CDC5L: variants seen among roughly 807,000 people sequenced by gnomAD.
The protein encoded by CDC5L is cell division cycle 5 like.
Under a neutral mutation model 104.1 loss-of-function variants are expected in CDC5L, and 18 were observed. The observed-to-expected ratio is 0.17, with a 90% CI of 0.12 to 0.26. CDC5L has a LOEUF of 0.26. CDC5L is among the 10% of genes least tolerant of loss of function. The pLI is 1.00. For synonymous variants in CDC5L, 331 were observed against 322.7 expected (o/e 1.03, Z -0.28); for missense variants, 673 against 956.9 (o/e 0.70, Z 3.91).
chr6:44,408,832 T>G (rs1034891483), intron 8 of CDC5L, among the ~76,000 whole-genome samples, 200 bp downstream of exon 8: 3 of 152,220 alleles, frequency 2.0e-5, no homozygotes, highest in Admixed American at 6.5e-5. Context: ...ATTTTCACAT[T>G]TATTAAAATT....
rs140562156 is a variant in CDC5L at position 44,438,408 on chromosome 6, A to C, written c.2092-7247A>C. On this transcript the variant is annotated intron_variant, in intron 14 of 15. Transcript: ENST00000371477. ...TGGCTGAAACAGAGTTTGACATCCT[A>C]ATTGCCTGTTAGAATCATTTGGGAG... 7.3e-3 allele frequency among the ~76,000 whole-genome samples: 1,106 copies of C among 152,334 alleles called. 12 individuals carry two copies. Among genetic ancestry groups the C allele is most frequent in the African/African-American group, 0.025 (1,041 of 41,568 alleles).
intron 8 of CDC5L, 50 bp downstream of exon 8, chr6:44,408,682 A>G: frequency 7.3e-7 from 1 of 1,376,294 alleles, no homozygotes. Context: ...TATTGTCCTT[A>G]GAAGTATCAT....
chr6:44,413,025 G>C (rs931675484), intron 8 of CDC5L, among the ~76,000 whole-genome samples: 2 of 151,664 alleles, frequency 1.3e-5, no homozygotes, highest in Admixed American at 6.6e-5. Flanking sequence ...CTCGTGATCC[G>C]CCCGCCTCGG....
chr6:44,422,878 T>A (rs896970734), intron 10 of CDC5L, 69 bp downstream of exon 10: 47 of 1,088,670 alleles, frequency 4.3e-5, no homozygotes, highest in Non-Finnish European at 5.6e-5. Context: ...AAATTAAAAT[T>A]TCTCCTGTTA....
chr6:44,428,296 G>T (rs1581657331), intron 13 of CDC5L, among the ~76,000 whole-genome samples: 1 of 151,962 alleles, frequency 6.6e-6, no homozygotes, highest in African/African-American at 2.4e-5. Context: ...CTATAGAGAT[G>T]ATTTTCCGTT....
intron 5 of CDC5L, 99 bp downstream of exon 5, chr6:44,396,539 T>TC (rs1561967880): frequency 4.3e-5 from 29 of 679,426 alleles, no homozygotes; most frequent in South Asian, 9.4e-5. Context: ...TTTTTTTTTT[T>TC]CCCCTCTCCA....
At chr6:44,407,979 CA>C (rs1340248425) in intron 7 of CDC5L, among the ~76,000 whole-genome samples, 2 of 152,134 alleles carry the variant, frequency 1.3e-5, no homozygotes, top group Non-Finnish European at 2.9e-5. Flanking sequence ...CTTCCTCCTC[CA>C]ATTTTGTATA....
intron 14 of CDC5L, among the ~76,000 whole-genome samples, chr6:44,437,306 T>G (rs1009061374): frequency 6.6e-6 from 1 of 152,190 alleles, no homozygotes; most frequent in Admixed American, 6.5e-5. Flanking sequence ...TGAGCAGTCA[T>G]AGGTTGAGCA....
chr6:44,428,322 TTTTG>T (rs1419444846), intron 13 of CDC5L, among the ~76,000 whole-genome samples: 1 of 152,314 alleles, frequency 6.6e-6, no homozygotes, highest in East Asian at 1.9e-4. Context: ...TGTTAAAATT[TTTTG>T]TTTATCAATC....
Position 44,390,193 on chromosome 6 carries a change from C to A in CDC5L, c.46-75C>A. The A allele has an allele frequency of 1.8e-5, 15 of 852,752 alleles. No individual in the cohort carries two copies. The South Asian group carries it at 1.9e-4, about 11-fold the overall frequency. The allele number at this position is 852,752 out of a possible 1,614,324, so 52.8% of individuals were successfully genotyped here. Reference sequence around the variant, plus strand: ...ATGTCTCTTTCTCCAATAGCCCTATCAGAGTTAATTTAAATTTTGTCTTTT... The same window carrying A: ...ATGTCTCTTTCTCCAATAGCCCTATAAGAGTTAATTTAAATTTTGTCTTTT... On this transcript the variant is annotated intron_variant, in intron 1 of 15. Coordinates refer to ENST00000371477, the MANE Select transcript of CDC5L (RefSeq NM_001253.4).
At chr6:44,442,468 CTGTT>C (rs1428977090) in intron 14 of CDC5L, among the ~76,000 whole-genome samples, 1 of 151,226 alleles carries the variant, frequency 6.6e-6, no homozygotes, top group Non-Finnish European at 1.5e-5. Flanking sequence ...TCTTGTCTGT[CTGTT>C]ACAGACTTTT....
At chr6:44,441,932 C>T (rs369866900) in intron 14 of CDC5L, among the ~76,000 whole-genome samples, 1,221 of 92,758 alleles carry the variant, frequency 0.013, 11 homozygotes, top group South Asian at 0.033. Flanking sequence ...AGGTCTTGTT[C>T]TTTTTTTTTT....
rs2153384889 is a variant in CDC5L, at chr6:44,447,211, A to G, written c.*500A>G. The G allele has an allele frequency of 6.6e-6, 1 of 152,334 alleles. No homozygotes were observed. The highest frequency in any genetic ancestry group is 2.1e-4 in the South Asian group (1 of 4,828). The allele number at this position is 152,334 out of a possible 1,614,324, so 9.4% of individuals were successfully genotyped here. ...TTTGTGGCTTTGTTAGTTTCAGCAA[A>G]GAGTGGTCATTTCTGTATACACTGA... is the stretch of plus-strand genomic sequence containing the variant. On this transcript the variant is annotated 3_prime_UTR_variant, in exon 16 of 16. Transcript: ENST00000371477.
At chr6:44,421,936 T>C (rs1792200810) in intron 9 of CDC5L, among the ~76,000 whole-genome samples, 1 of 152,146 alleles carries the variant, frequency 6.6e-6, no homozygotes, top group Admixed American at 6.5e-5. Flanking sequence ...GTGGGAACCA[T>C]GTCTTATGTG....
chr6:44,415,588 C>T (rs536697728), intron 8 of CDC5L, among the ~76,000 whole-genome samples: 10 of 152,174 alleles, frequency 6.6e-5, no homozygotes, highest in African/African-American at 2.2e-4. Context: ...GTGGCAGGTA[C>T]AGTCGCTGCA....
chr6:44,400,750 A>G (rs1581644835), intron 5 of CDC5L, among the ~76,000 whole-genome samples: 1 of 152,158 alleles, frequency 6.6e-6, no homozygotes, highest in South Asian at 2.1e-4. Flanking sequence ...TGCTCCTCAC[A>G]GGGTATGCTC....
chr6:44,437,047 A>G (rs1242691813), intron 14 of CDC5L, among the ~76,000 whole-genome samples: 1 of 152,200 alleles, frequency 6.6e-6, no homozygotes, highest in East Asian at 1.9e-4. Context: ...GCTTGTTTTA[A>G]AAAATTAATT....
intron 6 of CDC5L, among the ~76,000 whole-genome samples, chr6:44,405,803 G>C (rs748826220): frequency 2.6e-5 from 4 of 152,010 alleles, no homozygotes; most frequent in South Asian, 2.1e-4. Context: ...GTACCTTATT[G>C]ATAATTTTGT....
intron 8 of CDC5L, among the ~76,000 whole-genome samples, chr6:44,413,134 T>C (rs1791732177): frequency 6.6e-6 from 1 of 152,184 alleles, no homozygotes; most frequent in South Asian, 2.1e-4. Context: ...CCATTAGCAG[T>C]TATTCCCCAT....
Sources: allele counts gnomAD v4.1 joint callset (sites outside exome capture counted in the v4.1 genomes callset), GRCh38; gene constraint gnomAD v4.1.1; transcripts MANE v1.5; gene names NCBI Gene and HGNC (gene_info 2026-07-23, HGNC 2026-07-21).